The following CACNA1H variants were observed in gnomAD, a reference collection of about 807,000 sequenced individuals.
CACNA1H encodes voltage-dependent T-type calcium channel subunit alpha-1H.
Under a neutral mutation model 192.5 loss-of-function variants are expected in CACNA1H, and 149 were observed. The observed-to-expected ratio is 0.77, with a 90% confidence interval of 0.68 to 0.89. The LOEUF (loss-of-function observed/expected upper bound fraction) is 0.89, where lower values mean the gene tolerates loss of function less well. CACNA1H is among the 40% of genes least tolerant of loss of function. The pLI is 0.00. For missense variants in CACNA1H, 4,257 were observed against 3,423.5 expected (o/e 1.24, Z -6.08); for synonymous variants, 2,202 against 1,475.2 (o/e 1.49, Z -11.29).
At chr16:1,212,451 G>A (rs1264846806) in intron 25 of CACNA1H, 60 bp from the exon 26 acceptor site, 2 of 1,526,646 alleles carry the variant, frequency 1.3e-6, no homozygotes, top group Non-Finnish European at 1.8e-6. Context: ...AGAGCAGGGA[G>A]GGCTCCAGGC....
At chr16:1,172,172 G>C (rs915747559) in intron 2 of CACNA1H, among the ~76,000 whole-genome samples, 18 of 152,190 alleles carry the variant, frequency 1.2e-4, no homozygotes, top group Non-Finnish European at 2.1e-4. Context: ...TCAGGGGCGA[G>C]AGTGGCTGCG....
chr16:1,205,644 A>G (rs983178621), intron 11 of CACNA1H, among the ~76,000 whole-genome samples: 6 of 152,236 alleles, frequency 3.9e-5, no homozygotes, highest in African/African-American at 7.2e-5. Context: ...AGCATTTGCT[A>G]CAAGAAAATT....
At chr16:1,194,852 T>A in intron 2 of CACNA1H, 120 bp from the exon 3 acceptor site, 1 of 736,966 alleles carries the variant, frequency 1.4e-6, no homozygotes, top group Non-Finnish European at 2.4e-6. Flanking sequence ...CACCCCATCC[T>A]GGACACCCCC....
chr16:1,198,679 G>A lies in CACNA1H; in HGVS notation c.708G>A (p.Leu236=). The A allele has an allele frequency of 6.2e-7, 1 of 1,613,522 alleles. No homozygotes were observed. The highest frequency in any genetic ancestry group is 8.5e-7 in the Non-Finnish European group (1 of 1,179,652). ...TLPMLGNVLL[L]CFFVFFIFGI... ...CCATGCTCGGGAACGTCCTTCTGCTGTGCTTCTTCGTCTTCTTCATTTTCG... is the reference window on the plus strand; with the variant it reads ...CCATGCTCGGGAACGTCCTTCTGCTATGCTTCTTCGTCTTCTTCATTTTCG... The change falls in exon 6 of 35, where the codon CTG becomes CTA. Residue 236 remains leucine (L), a synonymous_variant. Coordinates refer to ENST00000348261, the MANE Select transcript of CACNA1H (RefSeq NM_021098.3).
intron 2 of CACNA1H, among the ~76,000 whole-genome samples, chr16:1,155,244 C>A (rs1962171033): frequency 6.6e-6 from 1 of 152,214 alleles, no homozygotes; most frequent in South Asian, 2.1e-4. Flanking sequence ...GGGCAGCCGG[C>A]CCCGGCCAGA....
At chr16:1,207,679 C>T (rs1419054549) in intron 14 of CACNA1H, 91 bp from the exon 15 acceptor site, 1 of 1,208,992 alleles carries the variant, frequency 8.3e-7, no homozygotes, top group African/African-American at 1.5e-5. Flanking sequence ...GTCCACACCC[C>T]ACCTCCCAGG....
At chr16:1,182,070 G>A (rs1965534854) in intron 2 of CACNA1H, among the ~76,000 whole-genome samples, 1 of 152,240 alleles carries the variant, frequency 6.6e-6, no homozygotes, top group African/African-American at 2.4e-5. Flanking sequence ...ACGCTCCCCA[G>A]GGTGAGAAGT....
intron 2 of CACNA1H, among the ~76,000 whole-genome samples, chr16:1,158,506 C>T (rs938968011): frequency 6.6e-6 from 1 of 152,202 alleles, no homozygotes; most frequent in Admixed American, 6.5e-5. Flanking sequence ...TTCATGGAAG[C>T]ATCAGGGCCG....
chr16:1,157,314 C>G (rs1962554921), intron 2 of CACNA1H: 1 of 152,202 alleles, frequency 6.6e-6, no homozygotes, highest in Non-Finnish European at 1.5e-5. Context: ...CTCCAAACAC[C>G]CCGTGTCACG....
At chr16:1,218,893 G>A in intron 33 of CACNA1H, 77 bp from the exon 34 acceptor site, 4 of 1,470,362 alleles carry the variant, frequency 2.7e-6, no homozygotes, top group Non-Finnish European at 3.7e-6. Flanking sequence ...TGGCAGGTTG[G>A]GGGAGGACGG....
At chr16:1,216,297 C>A (rs1422934164) in intron 30 of CACNA1H, among the ~76,000 whole-genome samples, 4 of 152,252 alleles carry the variant, frequency 2.6e-5, no homozygotes, top group African/African-American at 9.6e-5. Flanking sequence ...TAGCTTCGTC[C>A]AAGTAACACT....
chr16:1,176,906 T>C (rs1208658560), intron 2 of CACNA1H, among the ~76,000 whole-genome samples: 1 of 152,128 alleles, frequency 6.6e-6, no homozygotes, highest in Non-Finnish European at 1.5e-5. Flanking sequence ...GAGTGTCTGC[T>C]ACGGCTGCTG....
rs746638320 is a variant in CACNA1H at position 1,210,888 on chromosome 16, C to G, written c.4140C>G (p.Val1380=). Residue 1380 remains valine, a synonymous_variant, in exon 21 of 35, where the codon GTC becomes GTG. Transcript: ENST00000348261. Reference sequence around the variant, plus strand: ...TGCTGGTGTCCCTGGTGGACATTGTCGTGGCCATGGCCTCGGCTGGTGGCG... The same window carrying G: ...TGCTGGTGTCCCTGGTGGACATTGTGGTGGCCATGGCCTCGGCTGGTGGCG... ...LLVLVSLVDI[V]VAMASAGGAK... is the part of the protein sequence containing the mutation. 1 of 1,605,222 alleles carries G rather than the reference C, an allele frequency of 6.2e-7. No individual in the cohort carries two copies. The highest frequency in any genetic ancestry group is 1.1e-5 in the South Asian group (1 of 91,062).
At chr16:1,195,603 G>T in intron 4 of CACNA1H, 38 bp downstream of exon 4, 1 of 1,570,456 alleles carries the variant, frequency 6.4e-7, no homozygotes, top group South Asian at 1.2e-5. Flanking sequence ...CGCTGGCGAA[G>T]GGGCCCCGCC....
At chr16:1,168,018 G>A (rs1392313911) in intron 2 of CACNA1H, among the ~76,000 whole-genome samples, 2 of 152,184 alleles carry the variant, frequency 1.3e-5, no homozygotes, top group Non-Finnish European at 2.9e-5. Context: ...TCTGCCCTAG[G>A]CCTTCGAGTT....
intron 6 of CACNA1H, among the ~76,000 whole-genome samples, chr16:1,199,620 C>A (rs1466487542): frequency 6.6e-6 from 1 of 150,846 alleles, no homozygotes; most frequent in Non-Finnish European, 1.5e-5. Context: ...CCCCTCGGCC[C>A]TTGCTCTGCA....
At chr16:1,191,826 GCAGGC>G (rs1966647434) in intron 2 of CACNA1H, among the ~76,000 whole-genome samples, 1 of 132,438 alleles carries the variant, frequency 7.6e-6, no homozygotes, top group African/African-American at 3.0e-5. Flanking sequence ...CGGTGACCCA[GCAGGC>G]TGGCCTGGTT....
rs376748975 is a variant in CACNA1H at position 1,198,661 on chromosome 16, C to G, written c.690C>G (p.Leu230=). The change falls in exon 6 of 35, where the codon CTC becomes CTG. Residue 230 remains leucine (L), a synonymous_variant. Coordinates refer to ENST00000348261, the MANE Select transcript of CACNA1H (RefSeq NM_021098.3). ...VTLLLDTLPM[L]GNVLLLCFFV... is the part of the protein sequence containing the mutation. ...TGCTGCTGGATACGCTGCCCATGCT[C>G]GGGAACGTCCTTCTGCTGTGCTTCT... is the stretch of plus-strand genomic sequence containing the variant. 3 of 1,613,468 alleles carry G rather than the reference C, an allele frequency of 1.9e-6. No homozygotes were observed. The highest frequency in any genetic ancestry group is 1.7e-5 in the Admixed American group (1 of 60,006).
At chr16:1,201,440 C>T (rs899628060) in intron 8 of CACNA1H, among the ~76,000 whole-genome samples, 1 of 152,174 alleles carries the variant, frequency 6.6e-6, no homozygotes, top group East Asian at 1.9e-4. Context: ...AAAGAGGGTT[C>T]CAGGTCTTTT....
Sources: allele counts gnomAD v4.1 joint callset (sites outside exome capture counted in the v4.1 genomes callset), GRCh38; gene constraint gnomAD v4.1.1; transcripts MANE v1.5; gene names NCBI Gene and HGNC (gene_info 2026-07-23, HGNC 2026-07-21).